SP140: variants seen among roughly 807,000 people sequenced by gnomAD.
SP140 encodes SP140 nuclear body protein.
A neutral mutation model predicts 125.0 loss-of-function variants in SP140; 81 were observed. The observed-to-expected ratio is 0.65, with a 90% CI of 0.54 to 0.78. The LOEUF is 0.78. Ranked by LOEUF, SP140 falls within the 30% of genes least tolerant of loss-of-function variation. The pLI is 0.00. For missense variants in SP140, 858 were observed against 1,037.0 expected (o/e 0.83, Z 2.37); for synonymous variants, 312 against 354.0 (o/e 0.88, Z 1.33).
At chr2:230,188,680 A>C in the SP140 span, among the ~76,000 whole-genome samples, 2 of 152,208 alleles carry the variant, frequency 1.3e-5, no homozygotes, top group East Asian at 3.9e-4. Context: ...TAGTTTGTTG[A>C]GGATCTTTAT....
At chr2:230,286,065 T>G (rs1199133914) in intron 17 of SP140, among the ~76,000 whole-genome samples, 4 of 152,362 alleles carry the variant, frequency 2.6e-5, no homozygotes, top group African/African-American at 4.8e-5. Flanking sequence ...GTGTTTTATC[T>G]CATTTTCCTG....
At chr2:230,283,635 G>T (rs2055938963) in intron 15 of SP140, among the ~76,000 whole-genome samples, 1 of 152,176 alleles carries the variant, frequency 6.6e-6, no homozygotes, top group Non-Finnish European at 1.5e-5. Context: ...TCCCTTCAAT[G>T]AGCCTACTGC....
intron 15 of SP140, among the ~76,000 whole-genome samples, chr2:230,273,519 A>G (rs564562498): frequency 5.3e-5 from 8 of 152,370 alleles, no homozygotes; most frequent in African/African-American, 1.9e-4. Flanking sequence ...TAGTTCAACT[A>G]TTGTGGAAGA....
chr2:230,210,607 C>A (rs912069092), intron 1 of SP140, among the ~76,000 whole-genome samples: 1 of 152,198 alleles, frequency 6.6e-6, no homozygotes, highest in South Asian at 2.1e-4. Context: ...CAGGAGCTAG[C>A]CTGTGCTTGC....
intron 12 of SP140, among the ~76,000 whole-genome samples, chr2:230,268,504 G>C (rs1168303663): frequency 1.3e-5 from 2 of 149,318 alleles, no homozygotes; most frequent in Non-Finnish European, 1.5e-5. Flanking sequence ...CAGCCTGGGC[G>C]ACAAGAGTGA....
upstream of SP140, chr2:230,200,361 A>G (rs74649389): frequency 0.027 from 4,257 of 158,876 alleles, 194 homozygotes; most frequent in African/African-American, 0.097. Flanking sequence ...AACATGCACA[A>G]TTTTACCAGC....
chr2:230,271,035 T>C (rs1366301229), intron 15 of SP140, among the ~76,000 whole-genome samples: 1 of 152,164 alleles, frequency 6.6e-6, no homozygotes, highest in Non-Finnish European at 1.5e-5. Context: ...GGAATATGGG[T>C]GACCTCTAGG....
At position 230,269,818 on chromosome 2, in the gene SP140, A is replaced by G; in HGVS notation, c.1328-19A>G. On this transcript the variant is annotated intron_variant, in intron 13 of 26. Coordinates refer to ENST00000392045, the MANE Select transcript of SP140 (RefSeq NM_007237.5). ...CTGGGTCAAACTGAAAGTCTTCATG[A>G]ATCACAATTTTGGCCCAGGAGCGGA... The G allele has an allele frequency of 6.3e-7, 1 of 1,580,366 alleles. No individual in the cohort carries two copies. The highest frequency in any genetic ancestry group is 8.7e-7 in the Non-Finnish European group (1 of 1,149,564).
intron 15 of SP140, among the ~76,000 whole-genome samples, chr2:230,278,225 A>G (rs1310924318): frequency 6.6e-6 from 1 of 152,090 alleles, no homozygotes; most frequent in African/African-American, 2.4e-5. Context: ...CAATTCTCTC[A>G]TGATTAGTAA....
At chr2:230,259,771 C>CATATACATATATATAT (rs2051882231) in intron 12 of SP140, among the ~76,000 whole-genome samples, 2 of 85,898 alleles carry the variant, frequency 2.3e-5, no homozygotes, top group Non-Finnish European at 5.2e-5. Flanking sequence ...AGTATTCCAT[C>CATATACATATATATAT]ATATATATAT....
In SP140 at chr2:230,312,711, C is replaced by T; in HGVS notation, c.*27C>T. 5.9e-6 allele frequency: 9 copies of T among 1,518,762 alleles called. No homozygotes were observed. The highest frequency in any genetic ancestry group is 8.2e-6 in the Non-Finnish European group (9 of 1,095,412). 94.1% of individuals were successfully genotyped at this position (1,518,762 alleles called of 1,614,324 possible). On this transcript the variant is annotated 3_prime_UTR_variant, in exon 27 of 27. Transcript: ENST00000392045. ...TGGATTAGTGGATGCTGAAAGCATTCAGCAAATGGCACCCTAAAATATGCC... is the reference window on the plus strand; with the variant it reads ...TGGATTAGTGGATGCTGAAAGCATTTAGCAAATGGCACCCTAAAATATGCC...
At chr2:230,242,120 G>A (rs189935272) in intron 4 of SP140, among the ~76,000 whole-genome samples, 16 of 152,194 alleles carry the variant, frequency 1.1e-4, no homozygotes, top group Non-Finnish European at 1.9e-4. Flanking sequence ...AAGGTAAACC[G>A]AAACATCTGC....
chr2:230,273,951 G>T (rs1036627632), intron 15 of SP140, among the ~76,000 whole-genome samples: 2 of 152,032 alleles, frequency 1.3e-5, no homozygotes, highest in Non-Finnish European at 2.9e-5. Flanking sequence ...CTATCAGAAG[G>T]TTCAGAAGGT....
At chr2:230,261,000 ATTGC>A (rs904357231) in intron 12 of SP140, among the ~76,000 whole-genome samples, 1 of 151,982 alleles carries the variant, frequency 6.6e-6, no homozygotes, top group African/African-American at 2.4e-5. Context: ...TTTGATGGGG[ATTGC>A]ATTGAATTTG....
At chr2:230,215,250 C>G in intron 3 of SP140, 1 of 747,360 alleles carries the variant, frequency 1.3e-6, no homozygotes, top group South Asian at 1.7e-5. Context: ...AATATATAGT[C>G]ACATTCTCTA....
intron 15 of SP140, among the ~76,000 whole-genome samples, chr2:230,278,723 C>T (rs1371852486): frequency 6.6e-6 from 1 of 152,036 alleles, no homozygotes; most frequent in Non-Finnish European, 1.5e-5. Flanking sequence ...TGTGGATATT[C>T]AGTTTTCTTA....
chr2:230,197,121 G>C, the SP140 span, among the ~76,000 whole-genome samples: 1 of 152,162 alleles, frequency 6.6e-6, no homozygotes, highest in Non-Finnish European at 1.5e-5. Flanking sequence ...TCACCACACC[G>C]ATTTCCACAA....
rs200482643 is a variant in SP140 at position 230,255,546 on chromosome 2, G to A, written c.1240+14G>A. ...GACGTGGGTCAGGTAAGGACGGGGG[G>A]GGGGATTTCTGGCCCTGGGCTGCAG... On this transcript the variant is annotated intron_variant, in intron 12 of 26. Coordinates refer to ENST00000392045, the MANE Select transcript of SP140 (RefSeq NM_007237.5). 1.1e-4 allele frequency: 178 copies of A among 1,611,280 alleles called. No individual in the cohort carries two copies. The highest frequency in any genetic ancestry group is 7.7e-4 in the African/African-American group (58 of 74,928).
At chr2:230,295,158 G>A (rs1205671695) in intron 21 of SP140, among the ~76,000 whole-genome samples, 1 of 152,244 alleles carries the variant, frequency 6.6e-6, no homozygotes, top group African/African-American at 2.4e-5. Context: ...GACTGGGTAT[G>A]AATGAGAACC....
Sources: allele counts gnomAD v4.1 joint callset (sites outside exome capture counted in the v4.1 genomes callset), GRCh38; gene constraint gnomAD v4.1.1; transcripts MANE v1.5; gene names NCBI Gene and HGNC (gene_info 2026-07-23, HGNC 2026-07-21).